Variants in ALLC observed in about 807,000 individuals in gnomAD.
ALLC encodes the protein probable inactive allantoicase.
Under a neutral mutation model 45.0 loss-of-function variants are expected in ALLC, and 40 were observed. That is an observed-to-expected ratio of 0.89 (90% CI 0.69 to 1.16). The LOEUF (loss-of-function observed/expected upper bound fraction) is 1.16, where lower values mean the gene tolerates loss of function less well. Among genes scored for constraint, ALLC ranks in the 50% most tolerant of loss-of-function variants. The pLI is 0.00. For missense variants in ALLC, 488 were observed against 493.1 expected (o/e 0.99, Z 0.10); for synonymous variants, 176 against 178.1 (o/e 0.99, Z 0.09).
the ALLC span, among the ~76,000 whole-genome samples, chr2:3,646,738 T>A: frequency 6.6e-6 from 1 of 152,236 alleles, no homozygotes; most frequent in Admixed American, 6.5e-5. Flanking sequence ...TACAAGCTAC[T>A]GCAGCCATTA....
intron 3 of ALLC, among the ~76,000 whole-genome samples, chr2:3,675,478 G>A (rs1214619268): frequency 1.3e-5 from 2 of 151,668 alleles, no homozygotes; most frequent in East Asian, 3.9e-4. Flanking sequence ...GTTTGAAGGC[G>A]CACACATCAA....
intron 1 of ALLC, among the ~76,000 whole-genome samples, chr2:3,660,989 GA>G (rs1666561817): frequency 6.6e-6 from 1 of 152,188 alleles, no homozygotes; most frequent in African/African-American, 2.4e-5. Flanking sequence ...TCTTTGAAGA[GA>G]AATTTAGGAC....
chr2:3,694,547 G>A (rs1022773538), intron 7 of ALLC: 3 of 152,128 alleles, frequency 2.0e-5, no homozygotes, highest in East Asian at 3.8e-4. Flanking sequence ...ATGTGAAATC[G>A]ACTTCACTTT....
At chr2:3,649,998 C>T in the ALLC span, among the ~76,000 whole-genome samples, 2 of 152,244 alleles carry the variant, frequency 1.3e-5, no homozygotes, top group Non-Finnish European at 2.9e-5. Context: ...AAGACGTTTT[C>T]CAAATTTGTT....
intron 7 of ALLC, among the ~76,000 whole-genome samples, chr2:3,683,993 C>T (rs958518650): frequency 1.3e-5 from 2 of 152,010 alleles, no homozygotes; most frequent in Admixed American, 6.5e-5. Context: ...TTTACCCGTT[C>T]ATTAGTTGAC....
rs932672776 is a variant in ALLC at position 3,697,549 on chromosome 2, T to C, written c.850+93T>C. The C allele has an allele frequency of 1.6e-5, 15 of 959,378 alleles. No individual in the cohort carries two copies. In the Admixed American group the frequency reaches 2.0e-4, roughly 13 times the overall value. The allele number at this position is 959,378 out of a possible 1,614,324, so 59.4% of individuals were successfully genotyped here. A position where few individuals can be genotyped will look rare whatever the true frequency, so the allele number is the denominator to read the frequency against. The stretch of plus-strand genomic sequence containing the variant: ...AAGTGGGACTGAGGACACTGGACTT[T>C]CGGTGTGGATTCCCCGTTTAAGCTG... On this transcript the variant is annotated intron_variant, in intron 10 of 11. Transcript: ENST00000252505.
rs570443428 is a variant in ALLC at position 3,681,847 on chromosome 2, C to T, written c.378+134C>T. ...GATGCTCCCCACATCATTTGCTTAC[C>T]CACTGTGGCCTTGCAAACGTCTCAG... On this transcript the variant is annotated intron_variant, in intron 6 of 11. Transcript: ENST00000252505. The T allele has an allele frequency of 4.6e-6, 3 of 648,394 alleles. No individual in the cohort carries two copies. In the South Asian group the frequency reaches 6.5e-5, roughly 14 times the overall value. The allele number at this position is 648,394 out of a possible 1,614,324, so 40.2% of individuals were successfully genotyped here. A position where few individuals can be genotyped will look rare whatever the true frequency, so the allele number is the denominator to read the frequency against.
chr2:3,668,154 G>T (rs948457529), intron 1 of ALLC, among the ~76,000 whole-genome samples: 1 of 152,204 alleles, frequency 6.6e-6, no homozygotes, highest in Non-Finnish European at 1.5e-5. Context: ...TGGGATGCCT[G>T]GGGGCCGTGG....
At chr2:3,671,287 A>C in intron 2 of ALLC, 97 bp downstream of exon 2, 1 of 1,424,032 alleles carries the variant, frequency 7.0e-7, no homozygotes, top group Non-Finnish European at 9.7e-7. Flanking sequence ...ATCAACAAGA[A>C]TCAGGCTGAA....
intron 10 of ALLC, 91 bp from the exon 11 acceptor site, chr2:3,701,415 TGCTGGG>T: frequency 7.2e-7 from 1 of 1,392,174 alleles, no homozygotes; most frequent in South Asian, 1.6e-5. Context: ...ACTTGTTTTT[TGCTGGG>T]TTTTTGATCT....
chr2:3,686,642 T>C (rs1400787972), intron 7 of ALLC, among the ~76,000 whole-genome samples: 1 of 150,994 alleles, frequency 6.6e-6, no homozygotes, highest in Admixed American at 6.6e-5. Context: ...GTTTTCCTTG[T>C]ATAGCTCTTT....
At chr2:3,667,385 A>G (rs1311815549) in intron 1 of ALLC, among the ~76,000 whole-genome samples, 1 of 152,148 alleles carries the variant, frequency 6.6e-6, no homozygotes, top group African/African-American at 2.4e-5. Context: ...GTGCTGAATG[A>G]ATGAGCACAG....
In ALLC at chr2:3,701,503, C is replaced by G; in HGVS notation, c.851-9C>G. ...GGGCAGAAAATCACGCTGTGTTTTG[C>G]TCCAACAGGCAATGCTCCTGACAGC... On this transcript the variant is annotated splice_polypyrimidine_tract_variant and intron_variant, in intron 10 of 11. Coordinates refer to ENST00000252505, the MANE Select transcript of ALLC (RefSeq NM_018436.4). 6.3e-7 allele frequency: 1 copy of G among 1,582,544 alleles called. No individual in the cohort carries two copies. Among genetic ancestry groups the G allele is most frequent in the Non-Finnish European group, 8.6e-7 (1 of 1,161,868 alleles).
rs920275819 is a variant in ALLC at position 3,665,303 on chromosome 2, A to G, written c.-62-5793A>G. On this transcript the variant is annotated intron_variant, in intron 1 of 11. Coordinates refer to ENST00000252505, the MANE Select transcript of ALLC (RefSeq NM_018436.4). ...TTTTGTTTTTGAAGTACTGAGTTGA[A>G]GTGTTTTTTTTTAAATTTTATTTTA... Among the ~76,000 whole-genome samples the G allele has an allele frequency of 1.1e-4, 16 of 151,884 alleles. No homozygotes were observed. The South Asian group carries it at 1.7e-3, about 16-fold the overall frequency.
Position 3,702,599 on chromosome 2 carries a change from A to G in ALLC, c.*36A>G. The G allele has an allele frequency of 6.7e-7, 1 of 1,497,208 alleles. No homozygotes were observed. Among genetic ancestry groups the G allele is most frequent in the Non-Finnish European group, 8.9e-7 (1 of 1,122,864 alleles). 92.7% of individuals were successfully genotyped at this position (1,497,208 alleles called of 1,614,324 possible). A position where few individuals can be genotyped will look rare whatever the true frequency, so the allele number is the denominator to read the frequency against. On this transcript the variant is annotated 3_prime_UTR_variant, in exon 12 of 12. Coordinates refer to ENST00000252505, the MANE Select transcript of ALLC (RefSeq NM_018436.4). Reference sequence around the variant, plus strand: ...GCCCCGGTGTCGGACACACAGCAGTAATTTCCCAGTCATAGTCTTCTTTTC... The same window carrying G: ...GCCCCGGTGTCGGACACACAGCAGTGATTTCCCAGTCATAGTCTTCTTTTC...
upstream of ALLC, among the ~76,000 whole-genome samples, chr2:3,653,314 C>T (rs542860026): frequency 6.6e-6 from 1 of 152,286 alleles, no homozygotes; most frequent in East Asian, 1.9e-4. The surrounding 1 kb of genome is among the most constrained non-coding windows in gnomAD (Gnocchi z 4.1). Context: ...GGGACTGTGG[C>T]CACGTTTGCA....
intron 10 of ALLC, among the ~76,000 whole-genome samples, chr2:3,698,153 C>G (rs534296096): frequency 6.8e-6 from 1 of 147,432 alleles, no homozygotes; most frequent in African/African-American, 2.5e-5. Flanking sequence ...TTAGTAGAGA[C>G]GGGGTTTCAC....
intron 2 of ALLC, among the ~76,000 whole-genome samples, chr2:3,673,292 T>A (rs1197690782): frequency 6.6e-6 from 1 of 152,236 alleles, no homozygotes; most frequent in East Asian, 1.9e-4. Flanking sequence ...CTGTGAAGCC[T>A]TCTGCTGAGG....
At position 3,687,514 on chromosome 2, in the gene ALLC, T is replaced by G. The variant is rs541835341; in HGVS notation, c.511+4440T>G. 1.8e-4 allele frequency among the ~76,000 whole-genome samples: 27 copies of G among 151,144 alleles called. 1 individual carries two copies. The highest frequency in any genetic ancestry group is 1.6e-3 in the Admixed American group (24 of 15,136). On this transcript the variant is annotated intron_variant, in intron 7 of 11. Transcript: ENST00000252505. ...TTGAAGAGTTTGAGTAAAATTGGTA[T>G]TAGTTATTCCTTTTATGTTTGGTAG...
Sources: gnomAD v4.1 joint callset for allele counts (sites outside exome capture counted in the v4.1 genomes callset) on GRCh38, gnomAD v4.1.1 for gene constraint, Gnocchi (gnomAD v3.1) non-coding constraint, MANE v1.5 for transcripts, NCBI Gene and HGNC (gene_info 2026-07-23, HGNC 2026-07-21) for gene names.